Variants in NAV2 observed in about 807,000 individuals in gnomAD.
The protein encoded by NAV2 is neuron navigator 2, also known as helicase, APC down-regulated 1.
NAV2 carries 54 observed loss-of-function variants against 223.2 expected under a neutral mutation model. The observed-to-expected ratio is 0.24, with a 90% CI of 0.19 to 0.30. The LOEUF is 0.30. Ranked by LOEUF, NAV2 falls within the 10% of genes least tolerant of loss-of-function variation. NAV2 has a pLI of 1.00. For synonymous variants in NAV2, 1,279 were observed against 1,239.3 expected, an observed-to-expected ratio of 1.03 and a Z score of -0.67; for missense variants, 2,806 against 3,147.5, an observed-to-expected ratio of 0.89 and a Z score of 2.60.
At chr11:19,580,270 T>C (rs2045679327) in intron 1 of NAV2, among the ~76,000 whole-genome samples, 2 of 152,176 alleles carry the variant, frequency 1.3e-5, no homozygotes. Context: ...TGTAGCCAGA[T>C]TGATTTCCCA....
chr11:19,803,136 T>C lies in NAV2; in HGVS notation c.268-29348T>C, dbSNP rs376005518. Among the ~76,000 whole-genome samples the C allele has an allele frequency of 3.1e-4, 47 of 151,982 alleles. 1 individual carries two copies. The South Asian group carries it at 9.6e-3, about 31-fold the overall frequency. ...TGTGGGAGGAGGCTGCCAAGGTTAA[T>C]ATTTCTGCGATGTATTCCCTTCTGT... On this transcript the variant is annotated intron_variant, in intron 1 of 37. Coordinates refer to ENST00000349880, the MANE Select transcript of NAV2 (RefSeq NM_145117.5).
chr11:19,900,063 T>C (rs1311812206), intron 6 of NAV2, among the ~76,000 whole-genome samples: 1 of 152,126 alleles, frequency 6.6e-6, no homozygotes, highest in African/African-American at 2.4e-5. Context: ...GTGATGTTAT[T>C]ATGACCTTCT....
chr11:20,111,566 G>T (rs2052420877), intron 36 of NAV2, among the ~76,000 whole-genome samples: 1 of 152,228 alleles, frequency 6.6e-6, no homozygotes, highest in Non-Finnish European at 1.5e-5. Flanking sequence ...TCAGTCCTGA[G>T]CCCTGCTTCC....
In NAV2 at chr11:19,545,766, T is replaced by G. The variant is rs1385818792; in HGVS notation, c.75+194739T>G. Among the ~76,000 whole-genome samples, 4 of 81,266 alleles carry G rather than the reference T, an allele frequency of 4.9e-5. No individual in the cohort carries two copies. The African/African-American group carries it at 5.3e-4, about 11-fold the overall frequency. The allele number at this position is 81,266 out of a possible 152,430, so 53.3% of individuals were successfully genotyped here. ...AACACTTTGGGATTTTTTTTGCAGG[T>G]TTTTTTTTAGCTCATCAGCTATTGT... On this transcript the variant is annotated intron_variant, in intron 1 of 37. Transcript: ENST00000360655.
At chr11:19,884,753 G>A (rs1257263824) in intron 5 of NAV2, among the ~76,000 whole-genome samples, 1 of 151,098 alleles carries the variant, frequency 6.6e-6, no homozygotes, top group Non-Finnish European at 1.5e-5. Flanking sequence ...CACCTCACCT[G>A]CATCTCATTT....
chr11:19,686,243 TG>T (rs2049019665), intron 1 of NAV2, among the ~76,000 whole-genome samples: 1 of 152,194 alleles, frequency 6.6e-6, no homozygotes, highest in African/African-American at 2.4e-5. Context: ...TTGGGTCCCC[TG>T]TGATATGTTC....
intron 6 of NAV2, among the ~76,000 whole-genome samples, chr11:19,912,208 A>G (rs1451342980): frequency 6.6e-6 from 1 of 152,232 alleles, no homozygotes; most frequent in Non-Finnish European, 1.5e-5. Flanking sequence ...TTTTTGAAAT[A>G]GAAAAAATGG....
At chr11:20,003,325 C>A (rs2052738546) in intron 11 of NAV2, among the ~76,000 whole-genome samples, 1 of 152,098 alleles carries the variant, frequency 6.6e-6, no homozygotes, top group Non-Finnish European at 1.5e-5. Flanking sequence ...ATCTGCATAT[C>A]CATTTATGAG....
At chr11:19,678,782 T>C (rs904759115) in intron 1 of NAV2, among the ~76,000 whole-genome samples, 2 of 152,156 alleles carry the variant, frequency 1.3e-5, no homozygotes, top group Non-Finnish European at 2.9e-5. Context: ...AATGCCCGGA[T>C]TGGCCAGGCA....
chr11:20,062,303 A>G lies in NAV2; in HGVS notation c.4832-4A>G. 1 of 1,604,552 alleles carries G rather than the reference A, an allele frequency of 6.2e-7. No homozygotes were observed. The highest frequency in any genetic ancestry group is 1.3e-5 in the African/African-American group (1 of 74,372). On this transcript the variant is annotated splice_polypyrimidine_tract_variant and splice_region_variant and intron_variant, in intron 19 of 37. Transcript: ENST00000349880. ...CAATTCACCTTTTTTTTTTCTTTTA[A>G]TAGTTCATGGATCCTCACTCTCCTT...
chr11:20,078,081 A>G lies in NAV2; in HGVS notation c.5156A>G (p.Asn1719Ser), dbSNP rs1354904066. The change falls in exon 24 of 38, where the codon AAC (asparagine) becomes AGC (serine). Residue 1719 changes from asparagine (N) to serine (S), a missense_variant. By Grantham distance (46) the Asn-to-Ser change is conservative. This residue lies in a region of NAV2 where 824 missense variants were observed against 1,069.4 expected (regional missense o/e 0.77). Transcript: ENST00000349880. ...AAQAAINGVI[N>S]TPELNCKGNG... ...CAGGCTGCCATTAATGGAGTAATTA[A>G]CACACCTGAGCTCAACTGCAAAGGT... The G allele has an allele frequency of 1.9e-6, 3 of 1,613,406 alleles. No homozygotes were observed. The highest frequency in any genetic ancestry group is 2.5e-6 in the Non-Finnish European group (3 of 1,179,744).
At chr11:19,801,733 G>A (rs997786372) in intron 1 of NAV2, among the ~76,000 whole-genome samples, 3 of 152,066 alleles carry the variant, frequency 2.0e-5, no homozygotes, top group Non-Finnish European at 4.4e-5. Flanking sequence ...TTCAAATCCC[G>A]GCACTATCAC....
At chr11:20,019,188 G>C (rs1257509226) in intron 11 of NAV2, among the ~76,000 whole-genome samples, 1 of 152,200 alleles carries the variant, frequency 6.6e-6, no homozygotes, top group Non-Finnish European at 1.5e-5. Flanking sequence ...AGCGACCCGG[G>C]AGGTGTCTGT....
intron 3 of NAV2, among the ~76,000 whole-genome samples, chr11:19,859,164 ATCATTCTTGGG>A (rs2061549633): frequency 1.5e-5 from 1 of 68,722 alleles, no homozygotes; most frequent in Non-Finnish European, 2.8e-5. Flanking sequence ...TTTTTTATTG[ATCATTCTTGGG>A]TGTTTCTCGC....
Position 19,376,980 on chromosome 11 carries a change from G to A in NAV2, c.75+25953G>A, listed in dbSNP as rs186316728. Among the ~76,000 whole-genome samples the A allele has an allele frequency of 2.7e-3, 407 of 152,306 alleles. 2 individuals are homozygous for A. The highest frequency in any genetic ancestry group is 9.3e-3 in the African/African-American group (385 of 41,566). On this transcript the variant is annotated intron_variant, in intron 1 of 37. Transcript: ENST00000360655. ...TCAAGAAAGTAGTAGGGCAGAGCTAGCTAAAAAGGGAAAGGCATTCCCAGT... is the reference window on the plus strand; with the variant it reads ...TCAAGAAAGTAGTAGGGCAGAGCTAACTAAAAAGGGAAAGGCATTCCCAGT...
chr11:19,645,563 C>T (rs534348565), intron 1 of NAV2, among the ~76,000 whole-genome samples: 1 of 152,158 alleles, frequency 6.6e-6, no homozygotes, highest in South Asian at 2.1e-4. Context: ...AGATATTCAC[C>T]ATCCCTAGTC....
intron 11 of NAV2, among the ~76,000 whole-genome samples, chr11:20,028,935 G>A (rs745961531): frequency 1.3e-5 from 2 of 152,166 alleles, no homozygotes; most frequent in Non-Finnish European, 2.9e-5. Flanking sequence ...CATGTGAACT[G>A]AAAGGCTCCC....
rs117438758 is a variant in NAV2 at position 19,571,176 on chromosome 11, G to A, written c.75+220149G>A. ...GAAAACATTATGTTAAGTGAAAGAA[G>A]CCAGGCATAAGGTCATATATTATAT... On this transcript the variant is annotated intron_variant, in intron 1 of 37. Coordinates refer to the NAV2 transcript ENST00000360655. Among the ~76,000 whole-genome samples the A allele has an allele frequency of 5.3e-3, 811 of 152,292 alleles. 5 individuals are homozygous for A. Among genetic ancestry groups the A allele is most frequent in the Non-Finnish European group, 9.0e-3 (613 of 68,014 alleles).
At chr11:19,549,295 A>T (rs2044612408) in intron 1 of NAV2, among the ~76,000 whole-genome samples, 1 of 152,160 alleles carries the variant, frequency 6.6e-6, no homozygotes, top group Non-Finnish European at 1.5e-5. Context: ...TGGGATGGTT[A>T]AAAAAGGTGA....
Sources: allele counts gnomAD v4.1 joint callset (sites outside exome capture counted in the v4.1 genomes callset), GRCh38; gene constraint gnomAD v4.1.1; regional missense constraint gnomAD v4.1.1; transcripts MANE v1.5; gene names NCBI Gene and HGNC (gene_info 2026-07-23, HGNC 2026-07-21).